The following NBEA variants were observed in gnomAD, a reference collection of about 807,000 sequenced individuals.
The protein encoded by NBEA is lysosomal-trafficking regulator 2.
Under a neutral mutation model 343.4 loss-of-function variants are expected in NBEA, and 44 were observed. That is an observed-to-expected ratio of 0.13 (90% CI 0.10 to 0.16). The LOEUF (loss-of-function observed/expected upper bound fraction) is 0.16, where lower values mean the gene tolerates loss of function less well. Among genes scored for constraint, NBEA ranks in the 10% least tolerant of loss-of-function variants. The pLI is 1.00. For synonymous variants in NBEA, 1,175 were observed against 1,238.7 expected (o/e 0.95, Z 1.08); for missense variants, 2,555 against 3,631.3 (o/e 0.70, Z 7.62).
chr13:35,347,973 C>G (rs1473465980), intron 36 of NBEA, among the ~76,000 whole-genome samples: 1 of 152,082 alleles, frequency 6.6e-6, no homozygotes, highest in African/African-American at 2.4e-5. Context: ...CAAAAAAAAT[C>G]AAAAGCTGCC....
At chr13:35,109,514 T>C (rs903475272) in intron 12 of NBEA, 72 bp downstream of exon 12, 1 of 1,320,812 alleles carries the variant, frequency 7.6e-7, no homozygotes, top group African/African-American at 1.5e-5. Flanking sequence ...TCTATAGTAT[T>C]CAGTGGAAAA....
intron 48 of NBEA, among the ~76,000 whole-genome samples, chr13:35,607,017 T>G (rs2082306135): frequency 6.6e-6 from 1 of 152,202 alleles, no homozygotes; most frequent in African/African-American, 2.4e-5. Flanking sequence ...GAAACATACC[T>G]TATGGTGTAA....
At chr13:35,117,295 A>G in intron 13 of NBEA, 119 bp from the exon 14 acceptor site, 1 of 362,906 alleles carries the variant, frequency 2.8e-6, no homozygotes, top group Non-Finnish European at 4.6e-6. Flanking sequence ...ATTAATATAA[A>G]TATTGTAATT....
chr13:35,216,802 C>T (rs1051643595), intron 33 of NBEA, among the ~76,000 whole-genome samples: 1 of 151,794 alleles, frequency 6.6e-6, no homozygotes, highest in African/African-American at 2.4e-5. Flanking sequence ...TAAACATACA[C>T]CTACTAAAGG....
chr13:35,354,892 C>T (rs2040405503), intron 38 of NBEA, among the ~76,000 whole-genome samples: 1 of 152,164 alleles, frequency 6.6e-6, no homozygotes, highest in African/African-American at 2.4e-5. Context: ...TTGGTATCTT[C>T]TAATTGATTA....
chr13:35,554,630 C>G (rs2079500569), intron 43 of NBEA, among the ~76,000 whole-genome samples: 1 of 152,198 alleles, frequency 6.6e-6, no homozygotes. Context: ...GACTACCTAC[C>G]TACCTACCTA....
chr13:35,602,874 C>A (rs2082116547), intron 47 of NBEA, among the ~76,000 whole-genome samples: 1 of 152,144 alleles, frequency 6.6e-6, no homozygotes, highest in African/African-American at 2.4e-5. Flanking sequence ...CTTCCTTGTT[C>A]TTTGGTGGAG....
chr13:34,957,138 AT>A (rs1297877811), intron 1 of NBEA, among the ~76,000 whole-genome samples: 1 of 151,976 alleles, frequency 6.6e-6, no homozygotes, highest in African/African-American at 2.4e-5. Flanking sequence ...TTAAAAATTC[AT>A]TTTTTCCCTT....
chr13:35,268,716 G>A (rs1032747132), intron 34 of NBEA, among the ~76,000 whole-genome samples: 7 of 151,672 alleles, frequency 4.6e-5, no homozygotes, highest in African/African-American at 1.7e-4. Context: ...TCTTTTTTTA[G>A]TAAATATATT....
At chr13:35,577,354 G>A (rs1263483219) in intron 45 of NBEA, among the ~76,000 whole-genome samples, 1 of 152,156 alleles carries the variant, frequency 6.6e-6, no homozygotes, top group Non-Finnish European at 1.5e-5. Context: ...CACAAAGGTT[G>A]AAGGCATAAT....
intron 34 of NBEA, among the ~76,000 whole-genome samples, chr13:35,266,296 A>C (rs2033669856): frequency 6.6e-6 from 1 of 151,882 alleles, no homozygotes; most frequent in Non-Finnish European, 1.5e-5. Context: ...CAAAAACCTA[A>C]AAACAGAACT....
chr13:35,007,421 T>C (rs1006607492), intron 1 of NBEA, among the ~76,000 whole-genome samples: 2 of 152,218 alleles, frequency 1.3e-5, no homozygotes, highest in Non-Finnish European at 2.9e-5. Flanking sequence ...AATTCACTTA[T>C]TTTTCAGTTG....
At chr13:35,614,633 A>C (rs1328811150) in intron 48 of NBEA, among the ~76,000 whole-genome samples, 1 of 152,212 alleles carries the variant, frequency 6.6e-6, no homozygotes. Context: ...GCCACTGCTG[A>C]TTTGGAAGTT....
chr13:35,435,927 A>G (rs935599135), intron 39 of NBEA, among the ~76,000 whole-genome samples: 6 of 152,158 alleles, frequency 3.9e-5, no homozygotes, highest in East Asian at 1.9e-4. Context: ...CTTTGACCCA[A>G]CAATTCCCTA....
At chr13:35,083,217 C>G (rs1344149591) in intron 10 of NBEA, among the ~76,000 whole-genome samples, 1 of 152,140 alleles carries the variant, frequency 6.6e-6, no homozygotes, top group Non-Finnish European at 1.5e-5. Context: ...TGACAAAGAT[C>G]AGATAGTTGT....
chr13:35,274,484 A>G (rs1594037572), intron 34 of NBEA, among the ~76,000 whole-genome samples: 1 of 152,196 alleles, frequency 6.6e-6, no homozygotes, highest in Non-Finnish European at 1.5e-5. Context: ...CACCACTCCT[A>G]TTCAACATAG....
At chr13:35,282,904 A>C (rs1233326036) in intron 34 of NBEA, among the ~76,000 whole-genome samples, 1 of 152,156 alleles carries the variant, frequency 6.6e-6, no homozygotes, top group Non-Finnish European at 1.5e-5. Flanking sequence ...AGATCCTTAT[A>C]GATAGTGCAA....
chr13:35,273,423 C>T (rs764012634), intron 34 of NBEA, among the ~76,000 whole-genome samples: 21 of 151,896 alleles, frequency 1.4e-4, no homozygotes, highest in Non-Finnish European at 2.4e-4. Context: ...GATCTAAAAT[C>T]GACACCCTAA....
intron 1 of NBEA, among the ~76,000 whole-genome samples, chr13:34,986,728 G>C (rs1371644017): frequency 6.6e-6 from 1 of 150,876 alleles, no homozygotes; most frequent in African/African-American, 2.4e-5. Flanking sequence ...CCTGTATTGG[G>C]TGCATATATA....
Sources: allele counts gnomAD v4.1 joint callset (sites outside exome capture counted in the v4.1 genomes callset), GRCh38; gene constraint gnomAD v4.1.1; transcripts MANE v1.5; gene names NCBI Gene and HGNC (gene_info 2026-07-23, HGNC 2026-07-21).